IRGM: variants seen among roughly 807,000 people sequenced by gnomAD.
IRGM encodes immunity-related GTPase family M protein.
For missense variants in IRGM, 288 were observed against 219.9 expected (o/e 1.31, Z -1.96); for synonymous variants, 98 against 80.6 (o/e 1.22, Z -1.16).
At position 150,848,123 on chromosome 5, in the gene IRGM, G is replaced by C. The variant is rs1367615229; in HGVS notation, c.-1G>C. 7 of 1,539,306 alleles carry C rather than the reference G, an allele frequency of 4.5e-6. No homozygotes were observed. The African/African-American group carries it at 8.3e-5, about 18-fold the overall frequency. On this transcript the variant is annotated 5_prime_UTR_variant, in exon 2 of 2. Transcript: ENST00000522154. ...GCCAGCATTGGGGTATTTTATTGAAGATGGAAGCCATGAATGTTGAGAAAG... is the reference window on the plus strand; with the variant it reads ...GCCAGCATTGGGGTATTTTATTGAACATGGAAGCCATGAATGTTGAGAAAG...
intron 3 of IRGM, chr5:150,895,438 CT>C (rs1754720437): frequency 6.2e-7 from 1 of 1,601,428 alleles, no homozygotes; most frequent in African/African-American, 1.3e-5. Flanking sequence ...GATTTTACCA[CT>C]GTGTGAATTC....
intron 1 of IRGM, among the ~76,000 whole-genome samples, chr5:150,869,733 T>C (rs1420530307): frequency 6.6e-6 from 1 of 152,084 alleles, no homozygotes; most frequent in Admixed American, 6.6e-5. Flanking sequence ...ACTTCTCTTT[T>C]TATTTTTTAC....
intron 3 of IRGM, chr5:150,895,245 A>G (rs1323301425): frequency 1.4e-5 from 7 of 509,762 alleles, no homozygotes; most frequent in South Asian, 4.0e-5. Flanking sequence ...AATGTTCTTC[A>G]TTTATATAAC....
At chr5:150,896,252 T>C (rs1754772863) in intron 3 of IRGM, 1 of 1,613,648 alleles carries the variant, frequency 6.2e-7, no homozygotes, top group East Asian at 2.2e-5. Flanking sequence ...CTTTTCCACA[T>C]TCAGAACAAT....
chr5:150,871,777 G>C (rs1372255460), intron 1 of IRGM, among the ~76,000 whole-genome samples: 1 of 152,182 alleles, frequency 6.6e-6, no homozygotes, highest in Non-Finnish European at 1.5e-5. Flanking sequence ...AGAAATGTCT[G>C]TTTCAAACAA....
intron 1 of IRGM, among the ~76,000 whole-genome samples, chr5:150,872,910 G>C (rs1189379813): frequency 6.6e-6 from 1 of 152,190 alleles, no homozygotes; most frequent in Non-Finnish European, 1.5e-5. Context: ...CTAATACTTT[G>C]CAAAACAGAT....
intron 1 of IRGM, among the ~76,000 whole-genome samples, chr5:150,873,808 C>T (rs1414963535): frequency 6.6e-6 from 1 of 152,186 alleles, no homozygotes; most frequent in African/African-American, 2.4e-5. Flanking sequence ...GCCATTAGAG[C>T]TGCCTCTACC....
At chr5:150,883,822 G>T (rs750284182) in intron 3 of IRGM, among the ~76,000 whole-genome samples, 2 of 151,896 alleles carry the variant, frequency 1.3e-5, no homozygotes, top group African/African-American at 2.4e-5. Context: ...TAAAGAAATA[G>T]TACCAATTCT....
chr5:150,849,796 C>T (rs193271334), downstream of IRGM, among the ~76,000 whole-genome samples: 1 of 151,628 alleles, frequency 6.6e-6, no homozygotes, highest in Non-Finnish European at 1.5e-5. Flanking sequence ...TAGTAGAGAC[C>T]GGGTTTCACC....
chr5:150,900,198 C>T (rs1018694555), intron 3 of IRGM, among the ~76,000 whole-genome samples: 2 of 152,124 alleles, frequency 1.3e-5, no homozygotes, highest in African/African-American at 4.8e-5. Flanking sequence ...AGGTTCTTGA[C>T]TACTGCAGTC....
At chr5:150,849,134 G>T (rs1753934607), downstream of IRGM, among the ~76,000 whole-genome samples, 1 of 151,938 alleles carries the variant, frequency 6.6e-6, no homozygotes, top group Non-Finnish European at 1.5e-5. Context: ...ATCTCAAGAT[G>T]GAGTTTATCA....
intron 3 of IRGM, among the ~76,000 whole-genome samples, chr5:150,893,152 T>G (rs1338571343): frequency 6.6e-6 from 1 of 152,124 alleles, no homozygotes; most frequent in Non-Finnish European, 1.5e-5. Context: ...GTTTTTTCTT[T>G]GTTTTACCCA....
intron 1 of IRGM, among the ~76,000 whole-genome samples, chr5:150,874,829 T>G (rs11955174): frequency 0.2 from 30,945 of 152,002 alleles, 4,988 homozygotes; most frequent in African/African-American, 0.43. Context: ...GCTATCTTTT[T>G]CAGATAACTA....
chr5:150,859,525 TG>T (rs1362561612), intron 1 of IRGM, among the ~76,000 whole-genome samples: 4 of 152,242 alleles, frequency 2.6e-5, no homozygotes, highest in Non-Finnish European at 5.9e-5. Context: ...TTTGTACCTC[TG>T]GTAGAATTTG....
chr5:150,873,391 C>T (rs1009494297), intron 1 of IRGM, among the ~76,000 whole-genome samples: 10 of 152,180 alleles, frequency 6.6e-5, no homozygotes, highest in African/African-American at 2.4e-4. Context: ...TGAGGAATGA[C>T]CCCACTACAC....
intron 3 of IRGM, chr5:150,895,405 C>T: frequency 6.5e-7 from 1 of 1,548,768 alleles, no homozygotes; most frequent in Non-Finnish European, 8.7e-7. Flanking sequence ...AATACTAAGG[C>T]TTTTCTGTGG....
intron 1 of IRGM, among the ~76,000 whole-genome samples, chr5:150,876,604 A>C (rs1049177424): frequency 5.3e-5 from 8 of 152,326 alleles, no homozygotes; most frequent in Middle Eastern, 3.4e-3. Context: ...TGTGGAATAC[A>C]GGAGTTAGGG....
Position 150,887,347 on chromosome 5 carries a change from C to T in IRGM, c.*140+7701C>T, listed in dbSNP as rs76991767. Among the ~76,000 whole-genome samples the T allele has an allele frequency of 7.1e-3, 1,073 of 152,040 alleles. 10 individuals carry two copies. Among genetic ancestry groups the T allele is most frequent in the Non-Finnish European group, 0.011 (764 of 67,954 alleles). On this transcript the variant is annotated intron_variant and NMD_transcript_variant, in intron 3 of 3. Coordinates refer to the IRGM transcript ENST00000520549. ...CCAAGTAGAGGAAAAAATCTCAGAACTTGAAGACTGGCTCTCTGAAATGAG... is the reference window on the plus strand; with the variant it reads ...CCAAGTAGAGGAAAAAATCTCAGAATTTGAAGACTGGCTCTCTGAAATGAG...
downstream of IRGM, among the ~76,000 whole-genome samples, chr5:150,901,999 T>C (rs1329623186): frequency 6.6e-6 from 1 of 152,172 alleles, no homozygotes; most frequent in African/African-American, 2.4e-5. Flanking sequence ...ACATTTGTAC[T>C]TCTACATATA....
Sources: allele counts gnomAD v4.1 joint callset (sites outside exome capture counted in the v4.1 genomes callset), GRCh38; gene constraint gnomAD v4.1.1; transcripts MANE v1.5; gene names NCBI Gene and HGNC (gene_info 2026-07-23, HGNC 2026-07-21).